Variants in TP53BP1 observed in about 807,000 individuals in gnomAD.
The protein encoded by TP53BP1 is tumor protein p53 binding protein 1.
Under a neutral mutation model 200.8 loss-of-function variants are expected in TP53BP1, and 61 were observed. That is an observed-to-expected ratio of 0.30 (90% CI 0.25 to 0.38). TP53BP1 has a LOEUF of 0.38. TP53BP1 is among the 10% of genes least tolerant of loss of function. The pLI, the probability that TP53BP1 is intolerant of heterozygous loss-of-function variation, is 1.00. For synonymous variants in TP53BP1, 822 were observed against 844.3 expected (o/e 0.97, Z 0.46); for missense variants, 2,144 against 2,371.9 (o/e 0.90, Z 2.00).
At chr15:43,452,759 T>C (rs374108499) in intron 12 of TP53BP1, among the ~76,000 whole-genome samples, 1 of 152,282 alleles carries the variant, frequency 6.6e-6, no homozygotes, top group African/African-American at 2.4e-5. Flanking sequence ...AATCTGGATA[T>C]TAATGTTAAT....
intron 1 of TP53BP1, among the ~76,000 whole-genome samples, chr15:43,503,860 A>G (rs2079222469): frequency 6.6e-6 from 1 of 152,230 alleles, no homozygotes; most frequent in African/African-American, 2.4e-5. Flanking sequence ...ATATTCAGAA[A>G]AAAAGGGTGG....
intron 12 of TP53BP1, among the ~76,000 whole-genome samples, chr15:43,448,049 T>C (rs909462045): frequency 3.3e-5 from 5 of 151,970 alleles, no homozygotes; most frequent in Admixed American, 6.6e-5. Flanking sequence ...AATCCAAGGG[T>C]TTCATGGTTC....
At position 43,405,331 on chromosome 15, in the gene TP53BP1, C is replaced by T; in HGVS notation, c.*2052G>A. The T allele has an allele frequency of 1.7e-6, 2 of 1,171,694 alleles. No individual in the cohort carries two copies. Among genetic ancestry groups the T allele is most frequent in the Non-Finnish European group, 2.5e-6 (2 of 797,822 alleles). 72.6% of individuals were successfully genotyped at this position (1,171,694 alleles called of 1,614,324 possible). A position where few individuals can be genotyped will look rare whatever the true frequency, so the allele number is the denominator to read the frequency against. On this transcript the variant is annotated 3_prime_UTR_variant, in exon 28 of 28. Coordinates refer to ENST00000382044, the MANE Select transcript of TP53BP1 (RefSeq NM_001141980.3). ...ATATCTGCGGCTTAGTGATAGGACTCTACCTTTTCTCCTAGAAGCAGTTAC... is the reference window on the plus strand; with the variant it reads ...ATATCTGCGGCTTAGTGATAGGACTTTACCTTTTCTCCTAGAAGCAGTTAC...
intron 15 of TP53BP1, among the ~76,000 whole-genome samples, chr15:43,439,806 T>A (rs970556708): frequency 7.9e-5 from 12 of 152,220 alleles, no homozygotes; most frequent in African/African-American, 2.9e-4. Context: ...TCTAGAAGCT[T>A]CAGCAACATA....
At chr15:43,473,726 T>C (rs1595602174) in intron 10 of TP53BP1, among the ~76,000 whole-genome samples, 1 of 151,614 alleles carries the variant, frequency 6.6e-6, no homozygotes, top group African/African-American at 2.4e-5. Flanking sequence ...AGATACAGAG[T>C]GCCGATTGGT....
chr15:43,486,167 G>A (rs979049928), intron 4 of TP53BP1, among the ~76,000 whole-genome samples: 1 of 151,396 alleles, frequency 6.6e-6, no homozygotes, highest in African/African-American at 2.4e-5. Context: ...ACCTGAGGTC[G>A]GGAGTTCAAG....
intron 4 of TP53BP1, among the ~76,000 whole-genome samples, chr15:43,490,454 GC>G (rs45608533): frequency 0.011 from 1,698 of 151,812 alleles, 24 homozygotes; most frequent in African/African-American, 0.039. Flanking sequence ...AAACTCCTGG[GC>G]TCAAGTGATC....
chr15:43,446,794 G>C, intron 13 of TP53BP1: 1 of 1,505,838 alleles, frequency 6.6e-7, no homozygotes, highest in Non-Finnish European at 8.9e-7. Flanking sequence ...ACAGGATTCA[G>C]TTCCACTTCT....
At chr15:43,460,908 C>T (rs1384323722) in intron 11 of TP53BP1, among the ~76,000 whole-genome samples, 2 of 150,818 alleles carry the variant, frequency 1.3e-5, no homozygotes, top group Non-Finnish European at 2.9e-5. Flanking sequence ...CGTCTGTGGT[C>T]ACAGCTACTT....
Position 43,493,028 on chromosome 15 carries a change from A to C in TP53BP1, c.7+9T>G, listed in dbSNP as rs965029597. 1.2e-6 allele frequency: 2 copies of C among 1,611,804 alleles called. No individual in the cohort carries two copies. Among genetic ancestry groups the C allele is most frequent in the East Asian group, 2.2e-5 (1 of 44,738 alleles). On this transcript the variant is annotated intron_variant, in intron 1 of 27. Transcript: ENST00000382044. ...GCCCACTGCACTCCCATTTCTCTCCAAACAGTACCAGGCATCCCGGCGGGA... is the reference window on the plus strand; with the variant it reads ...GCCCACTGCACTCCCATTTCTCTCCCAACAGTACCAGGCATCCCGGCGGGA...
At chr15:43,484,836 A>G (rs999651815) in intron 4 of TP53BP1, among the ~76,000 whole-genome samples, 5 of 151,716 alleles carry the variant, frequency 3.3e-5, no homozygotes, top group Non-Finnish European at 7.4e-5. Flanking sequence ...CTGCAGTCTC[A>G]ACCTCCCAGG....
Position 43,492,289 on chromosome 15 carries a change from C to A in TP53BP1, c.187G>T (p.Val63Leu), listed in dbSNP as rs185158056. Reference sequence around the variant, plus strand: ...TCAAACAAGGTATCACTCACCAACACAGGATTTTCTTTGTGCGTCTGGAGA... The same window carrying A: ...TCAAACAAGGTATCACTCACCAACAAAGGATTTTCTTTGTGCGTCTGGAGA... ...PNLQTHKENPVLDVVSNPEQT... is the reference protein window; with the variant it reads ...PNLQTHKENPLLDVVSNPEQT... Residue 63 changes from valine (V) to leucine (L), a missense_variant, in exon 2 of 28, where the codon GTG (valine) becomes TTG (leucine). Around this residue, in one of 4 missense-constraint regions of TP53BP1, gnomAD observed 1,700 missense variants for 1,710.3 expected, o/e 0.99. Coordinates refer to ENST00000382044, the MANE Select transcript of TP53BP1 (RefSeq NM_001141980.3). The A allele has an allele frequency of 6.2e-7, 1 of 1,613,234 alleles. No homozygotes were observed. Among genetic ancestry groups the A allele is most frequent in the African/African-American group, 1.3e-5 (1 of 74,910 alleles).
intron 23 of TP53BP1, among the ~76,000 whole-genome samples, chr15:43,415,067 G>A (rs1379882582): frequency 2.0e-5 from 3 of 152,192 alleles, no homozygotes. Flanking sequence ...GAGGGGAGCA[G>A]AATTTCCAGG....
chr15:43,412,994 C>A, intron 24 of TP53BP1, 125 bp downstream of exon 24: 1 of 847,466 alleles, frequency 1.2e-6, no homozygotes, highest in Non-Finnish European at 1.8e-6. Context: ...TTTCTGTGAC[C>A]AAGATCCCAG....
At chr15:43,488,442 T>C (rs928385398) in intron 4 of TP53BP1, among the ~76,000 whole-genome samples, 3 of 152,188 alleles carry the variant, frequency 2.0e-5, no homozygotes, top group Non-Finnish European at 2.9e-5. Context: ...GGTGTGGCTA[T>C]AAAAGGGCAA....
chr15:43,437,083 T>C (rs1047511888), intron 16 of TP53BP1, among the ~76,000 whole-genome samples: 4 of 151,904 alleles, frequency 2.6e-5, no homozygotes, highest in African/African-American at 9.7e-5. Context: ...TGCTTGAGCC[T>C]AGGAATTTGG....
chr15:43,425,832 G>A (rs1035266620), intron 18 of TP53BP1, among the ~76,000 whole-genome samples: 4 of 152,188 alleles, frequency 2.6e-5, no homozygotes, highest in African/African-American at 9.6e-5. Flanking sequence ...TCGGGAGGCT[G>A]AGGCAGGCGG....
intron 18 of TP53BP1, among the ~76,000 whole-genome samples, chr15:43,427,107 A>G (rs1327982688): frequency 1.3e-5 from 2 of 152,144 alleles, no homozygotes; most frequent in South Asian, 2.1e-4. Flanking sequence ...CAAAGGTCCC[A>G]GATCTTTAAT....
Position 43,447,488 on chromosome 15 carries a change from G to C in TP53BP1, c.2717-3C>G. On this transcript the variant is annotated splice_polypyrimidine_tract_variant and splice_region_variant and intron_variant, in intron 12 of 27. Coordinates refer to ENST00000382044, the MANE Select transcript of TP53BP1 (RefSeq NM_001141980.3). The stretch of plus-strand genomic sequence containing the variant: ...CAAAGTGAAATGAAATGGGGTTTCT[G>C]AAAAAAAAAAAAAAAAGAAAAAAGA... 1.0e-6 allele frequency: 1 copy of C among 954,474 alleles called. No homozygotes were observed. The highest frequency in any genetic ancestry group is 1.3e-6 in the Non-Finnish European group (1 of 744,338). 59.1% of individuals were successfully genotyped at this position (954,474 alleles called of 1,614,324 possible).
Sources: gnomAD v4.1 joint callset for allele counts (sites outside exome capture counted in the v4.1 genomes callset) on GRCh38, gnomAD v4.1.1 for gene constraint, gnomAD v4.1.1 regional missense constraint, MANE v1.5 for transcripts, NCBI Gene and HGNC (gene_info 2026-07-23, HGNC 2026-07-21) for gene names.